Variants in PKN3 observed in about 807,000 individuals in gnomAD.
PKN3 encodes the protein serine/threonine-protein kinase N3.
Under a neutral mutation model 113.1 loss-of-function variants are expected in PKN3, and 91 were observed. That is an observed-to-expected ratio of 0.80 (90% CI 0.68 to 0.96). The LOEUF (loss-of-function observed/expected upper bound fraction) is 0.96, where lower values mean the gene tolerates loss of function less well. Among genes scored for constraint, PKN3 ranks in the 40% least tolerant of loss-of-function variants. The pLI is 0.00. For missense variants in PKN3, 1,052 were observed against 1,202.2 expected (o/e 0.88, Z 1.85); for synonymous variants, 467 against 499.0 (o/e 0.94, Z 0.85).
At chr9:128,709,924 C>G (rs1481900002) in intron 6 of PKN3, 2 of 148,162 alleles carry the variant, frequency 1.3e-5, no homozygotes, top group African/African-American at 5.0e-5. Flanking sequence ...AGACTCCAAA[C>G]AGAGTGAGAC....
intron 6 of PKN3, among the ~76,000 whole-genome samples, chr9:128,710,977 C>CTT (rs199532029): frequency 1.4e-5 from 2 of 145,188 alleles, no homozygotes; most frequent in Non-Finnish European, 3.0e-5. Flanking sequence ...TTGAGTTGTC[C>CTT]TTTTTTTTTT....
intron 1 of PKN3, chr9:128,703,342 CG>C (rs1861911215): frequency 1.0e-6 from 1 of 983,458 alleles, no homozygotes; most frequent in African/African-American, 1.7e-5. Flanking sequence ...TTAGAATGTG[CG>C]CGCAGCGGGG....
Position 128,715,243 on chromosome 9 carries a change from G to A in PKN3, c.1716+8G>A. On this transcript the variant is annotated splice_region_variant and intron_variant, in intron 14 of 21. Coordinates refer to ENST00000291906, the MANE Select transcript of PKN3 (RefSeq NM_013355.5). This position sits in a 1 kb window ranked among gnomAD's most constrained non-coding sequence, Gnocchi z 4.1. ...CGGGGACACTTTGGGAAGGTAGTGG[G>A]CTGAAGAGGGTGGTATGGGACGGGA... 6.2e-7 allele frequency: 1 copy of A among 1,613,962 alleles called. No homozygotes were observed. Among genetic ancestry groups the A allele is most frequent in the Non-Finnish European group, 8.5e-7 (1 of 1,179,890 alleles).
At position 128,716,666 on chromosome 9, in the gene PKN3, A is replaced by G. The variant is rs2132325006; in HGVS notation, c.1809-81A>G. On this transcript the variant is annotated intron_variant, in intron 15 of 21. Transcript: ENST00000291906. ...TGGCACTTTGGCTGAGGGCCCAGTGAGCCAGGGGTGTTGTGCAGGGCACAG... is the reference window on the plus strand; with the variant it reads ...TGGCACTTTGGCTGAGGGCCCAGTGGGCCAGGGGTGTTGTGCAGGGCACAG... The G allele has an allele frequency of 3.5e-6, 4 of 1,143,450 alleles. No homozygotes were observed. In the East Asian group the frequency reaches 9.5e-5, roughly 27 times the overall value. 70.8% of individuals were successfully genotyped at this position (1,143,450 alleles called of 1,614,324 possible). A position where few individuals can be genotyped will look rare whatever the true frequency, so the allele number is the denominator to read the frequency against.
rs758417384 is a variant in PKN3 at position 128,713,535 on chromosome 9, T to C, written c.1129T>C (p.Trp377Arg). 3.1e-6 allele frequency: 5 copies of C among 1,613,916 alleles called. No individual in the cohort carries two copies. The highest frequency in any genetic ancestry group is 4.2e-6 in the Non-Finnish European group (5 of 1,179,964). Residue 377 changes from tryptophan to arginine, a missense_variant, in exon 9 of 22, where the codon TGG becomes CGG. Coordinates refer to ENST00000291906, the MANE Select transcript of PKN3 (RefSeq NM_013355.5). ...GGAGATTGGGGTACACTGGCGGGACTGGCGGCAGCTATGTGGCGTGGCCTT... is the reference window on the plus strand; with the variant it reads ...GGAGATTGGGGTACACTGGCGGGACCGGCGGCAGCTATGTGGCGTGGCCTT... ...ELEIGVHWRDWRQLCGVAFLR... is the reference protein window; with the variant it reads ...ELEIGVHWRDRRQLCGVAFLR...
Position 128,706,879 on chromosome 9 carries a change from C to T in PKN3, c.524-17C>T, listed in dbSNP as rs554403035. On this transcript the variant is annotated splice_polypyrimidine_tract_variant and intron_variant, in intron 4 of 21. Transcript: ENST00000291906. Reference sequence around the variant, plus strand: ...GCAGGGAAGAGCAGGGCCTGAGAGCCGCCGTCCTTCCCACAGGGCCTGAGC... The same window carrying T: ...GCAGGGAAGAGCAGGGCCTGAGAGCTGCCGTCCTTCCCACAGGGCCTGAGC... The T allele has an allele frequency of 1.3e-5, 21 of 1,613,912 alleles. No homozygotes were observed. The highest frequency in any genetic ancestry group is 5.5e-5 in the South Asian group (5 of 91,072).
In PKN3 at chr9:128,719,990, G is replaced by A. The variant is rs147029335; in HGVS notation, c.2349G>A (p.Ser783=). The change falls in exon 20 of 22, where the codon TCG becomes TCA. Residue 783 remains serine, a synonymous_variant. Coordinates refer to ENST00000291906, the MANE Select transcript of PKN3 (RefSeq NM_013355.5). ...ACGCCCCCTACCCCGGCTTTCTGTC[G>A]GTGCAAGGGCTTGAGTTCATTCAGA... ...NMDAPYPGFL[S]VQGLEFIQKL... 1,045 of 1,613,926 alleles carry A rather than the reference G, an allele frequency of 6.5e-4. 3 individuals are homozygous for A. The highest frequency in any genetic ancestry group is 8.2e-4 in the Non-Finnish European group (973 of 1,179,954).
chr9:128,714,603 C>T lies in PKN3; in HGVS notation c.1523C>T (p.Thr508Ile), dbSNP rs536656541. ...PKKTPLGEEMTPPPKPPRLYL... is the reference protein window; with the variant it reads ...PKKTPLGEEMIPPPKPPRLYL... Reference sequence around the variant, plus strand: ...AAGACCCCCTTGGGTGAAGAGATGACACCCCCACCCAAGCCCCCACGCCTC... The same window carrying T: ...AAGACCCCCTTGGGTGAAGAGATGATACCCCCACCCAAGCCCCCACGCCTC... The change falls in exon 12 of 22, where the codon ACA becomes ATA. Residue 508 changes from threonine to isoleucine, a missense_variant. By Grantham distance (89) the Thr-to-Ile change is moderately conservative. Transcript: ENST00000291906. The T allele has an allele frequency of 8.6e-6, 12 of 1,394,540 alleles. No individual in the cohort carries two copies. The highest frequency in any genetic ancestry group is 1.8e-4 in the Middle Eastern group (1 of 5,636). The allele number at this position is 1,394,540 out of a possible 1,614,324, so 86.4% of individuals were successfully genotyped here.
chr9:128,706,062 C>A (rs1221508473), intron 3 of PKN3, among the ~76,000 whole-genome samples, 183 bp downstream of exon 3: 1 of 152,238 alleles, frequency 6.6e-6, no homozygotes, highest in East Asian at 1.9e-4. Context: ...ACAGAGAAGG[C>A]CTTGCCCTGG....
In PKN3 at chr9:128,720,466, G is replaced by A. The variant is rs1862504362; in HGVS notation, c.2530G>A (p.Asp844Asn). 1.2e-6 allele frequency: 2 copies of A among 1,613,052 alleles called. No individual in the cohort carries two copies. The highest frequency in any genetic ancestry group is 2.2e-5 in the East Asian group (1 of 44,880). ...CGTGCCTACCCTGTGTGGCCCTGCG[G>A]ACCTGCGCTACTTTGAGGGCGAGTT... ...PFVPTLCGPADLRYFEGEFTG... is the reference protein window; with the variant it reads ...PFVPTLCGPANLRYFEGEFTG... Residue 844 changes from aspartate to asparagine, a missense_variant, in exon 22 of 22, where the codon GAC (aspartate) becomes AAC (asparagine). Asp to Asn is a conservative substitution (Grantham distance 23). This residue lies in a region of PKN3 where 333 missense variants were observed against 442.8 expected (regional missense o/e 0.75). Coordinates refer to ENST00000291906, the MANE Select transcript of PKN3 (RefSeq NM_013355.5). This position sits in a 1 kb window ranked among gnomAD's most constrained non-coding sequence, Gnocchi z 5.5.
chr9:128,713,327 G>C lies in PKN3; in HGVS notation c.1032G>C (p.Thr344=). 6.2e-7 allele frequency: 1 copy of C among 1,614,152 alleles called. No homozygotes were observed. Among genetic ancestry groups the C allele is most frequent in the Non-Finnish European group, 8.5e-7 (1 of 1,180,034 alleles). ...LKVDNRVVGQ[T]GWGQVAEQSW... is the part of the protein sequence containing the mutation. Reference sequence around the variant, plus strand: ...TGGACAACCGTGTTGTGGGGCAGACGGGCTGGGGGCAGGTGGCCGAACAGT... The same window carrying C: ...TGGACAACCGTGTTGTGGGGCAGACCGGCTGGGGGCAGGTGGCCGAACAGT... Residue 344 remains threonine, a synonymous_variant, in exon 8 of 22, where the codon ACG becomes ACC. Coordinates refer to ENST00000291906, the MANE Select transcript of PKN3 (RefSeq NM_013355.5).
Position 128,714,566 on chromosome 9 carries a change from T to C in PKN3, c.1486T>C (p.Phe496Leu). 1 of 1,245,004 alleles carries C rather than the reference T, an allele frequency of 8.0e-7. No homozygotes were observed. Among genetic ancestry groups the C allele is most frequent in the Non-Finnish European group, 1.2e-6 (1 of 842,976 alleles). 77.1% of individuals were successfully genotyped at this position (1,245,004 alleles called of 1,614,324 possible). The change falls in exon 12 of 22, where the codon TTC becomes CTC. Residue 496 changes from phenylalanine (F) to leucine (L), a missense_variant. By Grantham distance (22) the Phe-to-Leu change is conservative. Coordinates refer to ENST00000291906, the MANE Select transcript of PKN3 (RefSeq NM_013355.5). ...GTGTCTACTTTCTCCCTACAGTAAT[T>C]TCCTGCCCAAGAAGACCCCCTTGGG... ...EASDPATPSN[F>L]LPKKTPLGEE...
chr9:128,720,804 T>G lies in PKN3; in HGVS notation c.*198T>G, dbSNP rs1002020588. 6.6e-6 allele frequency: 4 copies of G among 607,434 alleles called. No individual in the cohort carries two copies. The highest frequency in any genetic ancestry group is 1.2e-5 in the Non-Finnish European group (4 of 343,860). 37.6% of individuals were successfully genotyped at this position (607,434 alleles called of 1,614,324 possible). On this transcript the variant is annotated 3_prime_UTR_variant, in exon 22 of 22. Coordinates refer to ENST00000291906, the MANE Select transcript of PKN3 (RefSeq NM_013355.5). This position sits in a 1 kb window ranked among gnomAD's most constrained non-coding sequence, Gnocchi z 5.5. ...AAAGTGTGTCCCTTCCCCCTCCAGC[T>G]CGCCCTCTTCTACCTCCCAGCGAGA...
At chr9:128,703,081 C>G in intron 1 of PKN3, 142 bp downstream of exon 1, 1 of 612,192 alleles carries the variant, frequency 1.6e-6, no homozygotes, top group Non-Finnish European at 2.6e-6. Flanking sequence ...GCCCCGGCCC[C>G]GCGACGCCCT....
At chr9:128,703,354 G>T in intron 1 of PKN3, 1 of 985,074 alleles carries the variant, frequency 1.0e-6, no homozygotes, top group South Asian at 4.7e-5. Flanking sequence ...CGCAGCGGGG[G>T]GCGCAGTCTG....
intron 6 of PKN3, among the ~76,000 whole-genome samples, chr9:128,709,086 C>T (rs1273168972): frequency 1.3e-5 from 2 of 150,928 alleles, no homozygotes; most frequent in Non-Finnish European, 3.0e-5. Context: ...GAGATCGAGA[C>T]CATCCTGGCT....
At chr9:128,713,689 A>G in intron 9 of PKN3, 47 bp downstream of exon 9, 1 of 1,587,784 alleles carries the variant, frequency 6.3e-7, no homozygotes, top group Middle Eastern at 1.7e-4. Context: ...CTGGGGCGTC[A>G]GGGCCAGGAA....
chr9:128,719,768 C>T lies in PKN3; in HGVS notation c.2208C>T (p.Tyr736=). The T allele has an allele frequency of 6.2e-7, 1 of 1,607,076 alleles. No homozygotes were observed. Among genetic ancestry groups the T allele is most frequent in the South Asian group, 1.1e-5 (1 of 89,896 alleles). The change falls in exon 19 of 22, where the codon TAC becomes TAT. Residue 736 remains tyrosine (Y), a synonymous_variant. Coordinates refer to ENST00000291906, the MANE Select transcript of PKN3 (RefSeq NM_013355.5). ...LAPEVLTQEA[Y]TRAVDWWGLG... ...CCGAGGTGCTGACCCAGGAGGCATA[C>T]ACACGGGCTGTGGACTGGTGGGGGC...
intron 1 of PKN3, chr9:128,703,722 G>A (rs1330774401): frequency 6.0e-5 from 59 of 985,318 alleles, no homozygotes; most frequent in Non-Finnish European, 7.1e-5. Context: ...CCATGGGGGT[G>A]TTGCGGGGTG....
Sources: gnomAD v4.1 joint callset for allele counts (sites outside exome capture counted in the v4.1 genomes callset) on GRCh38, gnomAD v4.1.1 for gene constraint, gnomAD v4.1.1 regional missense constraint, Gnocchi (gnomAD v3.1) non-coding constraint, MANE v1.5 for transcripts, NCBI Gene and HGNC (gene_info 2026-07-23, HGNC 2026-07-21) for gene names.